LOXHD1: variants seen among roughly 807,000 people sequenced by gnomAD.
LOXHD1 encodes the protein lipoxygenase homology domain-containing protein 1.
LOXHD1 carries 205 observed loss-of-function variants against 248.2 expected under a neutral mutation model. The ratio of observed to expected loss-of-function variants is 0.83; its 90% CI spans 0.74 to 0.93. The LOEUF (loss-of-function observed/expected upper bound fraction) is 0.93, where lower values mean the gene tolerates loss of function less well. LOXHD1 is among the 40% of genes least tolerant of loss of function. The pLI is 0.00. For missense variants in LOXHD1, 2,930 were observed against 2,971.6 expected (o/e 0.99, Z 0.33); for synonymous variants, 1,113 against 1,162.8 (o/e 0.96, Z 0.87).
chr18:46,531,503 T>A (rs1318924789), intron 28 of LOXHD1, among the ~76,000 whole-genome samples: 1 of 152,164 alleles, frequency 6.6e-6, no homozygotes, highest in East Asian at 1.9e-4. Context: ...TAGGGACACC[T>A]TTTCTAGGAG....
chr18:46,509,903 G>A (rs2034854359), intron 34 of LOXHD1, 88 bp from the exon 35 acceptor site: 3 of 954,166 alleles, frequency 3.1e-6, no homozygotes, highest in Non-Finnish European at 4.9e-6. Flanking sequence ...GGTTTGGGGT[G>A]AGGGAGAAGA....
At chr18:46,516,815 T>C (rs2035277379) in intron 34 of LOXHD1, among the ~76,000 whole-genome samples, 1 of 151,148 alleles carries the variant, frequency 6.6e-6, no homozygotes, top group South Asian at 2.1e-4. Context: ...ACCACCACCA[T>C]CATCATCATC....
chr18:46,527,135 GA>G (rs201869533), intron 29 of LOXHD1, among the ~76,000 whole-genome samples: 3,928 of 135,002 alleles, frequency 0.029, 124 homozygotes, highest in East Asian at 0.2. Context: ...TGAGAGAGAG[GA>G]AAAAAAAAAA....
At chr18:46,610,338 G>A (rs922797908) in intron 6 of LOXHD1, among the ~76,000 whole-genome samples, 6 of 151,384 alleles carry the variant, frequency 4.0e-5, no homozygotes, top group African/African-American at 2.4e-5. Context: ...CCCATAGGTG[G>A]GAATTGAACA....
At chr18:46,560,048 T>TCCCCA in intron 19 of LOXHD1, 35 bp downstream of exon 19, 1 of 1,226,294 alleles carries the variant, frequency 8.2e-7, no homozygotes, top group Non-Finnish European at 1.1e-6. Flanking sequence ...GTCTGGCCAC[T>TCCCCA]CCCTCCCCAC....
chr18:46,547,015 C>T lies in LOXHD1; in HGVS notation c.3394G>A (p.Asp1132Asn). ...AACAGCTCCCTGGACAGCTGGCCATCATCTTCCTCCACTGCCAGCCAACGT... is the reference window on the plus strand; with the variant it reads ...AACAGCTCCCTGGACAGCTGGCCATTATCTTCCTCCACTGCCAGCCAACGT... ...CQRWLAVEEDDGQLSRELLPV... is the reference protein window; with the variant it reads ...CQRWLAVEEDNGQLSRELLPV... Residue 1132 changes from aspartate (D) to asparagine (N), a missense_variant, in exon 22 of 41, where the codon GAT (aspartate) becomes AAT (asparagine). By Grantham distance (23) the Asp-to-Asn change is conservative. Transcript: ENST00000642948. 1.0e-5 allele frequency: 16 copies of T among 1,551,780 alleles called. No individual in the cohort carries two copies. The highest frequency in any genetic ancestry group is 1.3e-5 in the Non-Finnish European group (15 of 1,147,014).
intron 17 of LOXHD1, among the ~76,000 whole-genome samples, chr18:46,565,773 GA>G (rs1404804125): frequency 6.6e-6 from 1 of 152,040 alleles, no homozygotes; most frequent in Non-Finnish European, 1.5e-5. Context: ...TAATGACAAG[GA>G]AAAAAGTCTG....
chr18:46,557,180 A>C (rs1598996532), intron 21 of LOXHD1, among the ~76,000 whole-genome samples, 176 bp downstream of exon 21: 3 of 54,470 alleles, frequency 5.5e-5, no homozygotes, highest in Admixed American at 2.6e-4. Context: ...ACCCCAGTCC[A>C]CCCTTACTTT....
At position 46,592,554 on chromosome 18, in the gene LOXHD1, T is replaced by C. The variant is rs1296722565; in HGVS notation, c.1462A>G (p.Lys488Glu). 1.9e-6 allele frequency: 3 copies of C among 1,551,622 alleles called. No homozygotes were observed. Among genetic ancestry groups the C allele is most frequent in the Non-Finnish European group, 2.6e-6 (3 of 1,146,952 alleles). ...CTTTTATCATGCCATACTCGAATCT[T>C]ATAAAACCTGCCAAGATCCGGGAGC... Reference protein sequence around the residue: ...IELPDLGRFYKIRVWHDKRSS... With the variant: ...IELPDLGRFYEIRVWHDKRSS... The change falls in exon 11 of 41, where the codon AAG becomes GAG. Residue 488 changes from lysine (K) to glutamate (E), a missense_variant. Transcript: ENST00000642948.
chr18:46,523,238 C>G (rs530566143), intron 31 of LOXHD1, among the ~76,000 whole-genome samples: 2 of 152,186 alleles, frequency 1.3e-5, no homozygotes, highest in African/African-American at 4.8e-5. Flanking sequence ...TAAGCCACCA[C>G]GCCTGGCCAG....
At chr18:46,570,722 A>G (rs1011822551) in intron 15 of LOXHD1, among the ~76,000 whole-genome samples, 13 of 152,222 alleles carry the variant, frequency 8.5e-5, no homozygotes, top group African/African-American at 2.9e-4. Context: ...CAAAAAATAC[A>G]CTAATACAAA....
intron 37 of LOXHD1, among the ~76,000 whole-genome samples, chr18:46,502,606 CA>C (rs1276860632): frequency 6.6e-6 from 1 of 152,122 alleles, no homozygotes; most frequent in African/African-American, 2.4e-5. Flanking sequence ...TGAGAGAAGC[CA>C]GAGAAGGAGT....
chr18:46,614,435 T>C (rs2038554983), intron 5 of LOXHD1, among the ~76,000 whole-genome samples: 1 of 151,806 alleles, frequency 6.6e-6, no homozygotes, highest in African/African-American at 2.4e-5. Context: ...TGGATGAAGC[T>C]GGAAACCATC....
chr18:46,569,720 A>G, intron 15 of LOXHD1, 82 bp from the exon 16 acceptor site: 1 of 1,136,804 alleles, frequency 8.8e-7, no homozygotes. Context: ...ATAGGAGGGC[A>G]GCCTGGAGCT....
chr18:46,655,398 A>C (rs2039167458), intron 1 of LOXHD1, among the ~76,000 whole-genome samples: 1 of 152,206 alleles, frequency 6.6e-6, no homozygotes, highest in African/African-American at 2.4e-5. Context: ...CAGAGCCCGT[A>C]AACAGAAGTC....
At chr18:46,480,364 A>G (rs1019300118) in intron 40 of LOXHD1, among the ~76,000 whole-genome samples, 1 of 152,104 alleles carries the variant, frequency 6.6e-6, no homozygotes. Context: ...ACATAGACAT[A>G]TGGGGATGTC....
chr18:46,639,772 C>T lies in LOXHD1; in HGVS notation c.355G>A (p.Ala119Thr), dbSNP rs992783556. The T allele has an allele frequency of 3.2e-6, 5 of 1,551,612 alleles. No individual in the cohort carries two copies. The highest frequency in any genetic ancestry group is 4.4e-6 in the Non-Finnish European group (5 of 1,147,010). Residue 119 changes from alanine to threonine, a missense_variant, in exon 4 of 41, where the codon GCC becomes ACC. Transcript: ENST00000642948. ...RIEHDNTGLN[A>T]SWYLDHVIVT... ...ATCACATGGTCCAGGTACCAGCTGG[C>T]ATTCAAGCCCGTGTTGTCATGCTCA... is the stretch of plus-strand genomic sequence containing the variant.
chr18:46,565,618 T>C (rs1448073076), intron 17 of LOXHD1, among the ~76,000 whole-genome samples: 2 of 152,310 alleles, frequency 1.3e-5, no homozygotes, highest in East Asian at 3.9e-4. Context: ...CTGAGGATGC[T>C]CAAGCCCCTC....
intron 21 of LOXHD1, among the ~76,000 whole-genome samples, chr18:46,554,109 G>T (rs1043226127): frequency 1.3e-5 from 2 of 152,220 alleles, no homozygotes; most frequent in Non-Finnish European, 2.9e-5. Flanking sequence ...CTGGGCTGCT[G>T]TAGGCAATAG....
Sources: gnomAD v4.1 joint callset for allele counts (sites outside exome capture counted in the v4.1 genomes callset) on GRCh38, gnomAD v4.1.1 for gene constraint, MANE v1.5 for transcripts, NCBI Gene and HGNC (gene_info 2026-07-23, HGNC 2026-07-21) for gene names.